Variants in CSGALNACT1 observed in about 807,000 individuals in gnomAD.
CSGALNACT1 encodes beta4GalNAcT-1.
CSGALNACT1 carries 52 observed loss-of-function variants against 51.0 expected under a neutral mutation model. The observed-to-expected ratio is 1.02, with a 90% CI of 0.82 to 1.29. CSGALNACT1 has a LOEUF of 1.29. Among genes scored for constraint, CSGALNACT1 ranks in the 50% most tolerant of loss-of-function variants. CSGALNACT1 has a pLI of 0.00. For synonymous variants in CSGALNACT1, 341 were observed against 254.4 expected (o/e 1.34, Z -3.24); for missense variants, 935 against 679.2 (o/e 1.38, Z -4.19).
At chr8:19,569,926 A>G (rs2042648669) in intron 3 of CSGALNACT1, among the ~76,000 whole-genome samples, 1 of 152,234 alleles carries the variant, frequency 6.6e-6, no homozygotes, top group Non-Finnish European at 1.5e-5. Context: ...CAGAGACACA[A>G]TTAAAGAAGT....
At chr8:19,593,475 G>A (rs899041098) in intron 2 of CSGALNACT1, among the ~76,000 whole-genome samples, 1 of 152,188 alleles carries the variant, frequency 6.6e-6, no homozygotes, top group African/African-American at 2.4e-5. Context: ...GGGCCCAATG[G>A]CTCTCAAGTG....
exon 10 of CSGALNACT1, chr8:19,404,994 T>C (rs2053871342): frequency 2.2e-6 from 1 of 453,910 alleles, no homozygotes; most frequent in East Asian, 6.9e-5. Context: ...TCCTTGGATA[T>C]GGCATCAATT....
chr8:19,480,764 CA>C (rs927039793), intron 4 of CSGALNACT1, among the ~76,000 whole-genome samples: 1 of 152,194 alleles, frequency 6.6e-6, no homozygotes, highest in African/African-American at 2.4e-5. Flanking sequence ...TTTCTCTTCT[CA>C]TTTCCTATCC....
At chr8:19,638,531 A>T (rs567822104) in intron 1 of CSGALNACT1, among the ~76,000 whole-genome samples, 54 of 152,336 alleles carry the variant, frequency 3.5e-4, no homozygotes, top group African/African-American at 1.1e-3. Flanking sequence ...GAACTGGATG[A>T]ATCAGAAAGG....
At chr8:19,539,829 G>C (rs555912964) in intron 3 of CSGALNACT1, among the ~76,000 whole-genome samples, 2 of 152,292 alleles carry the variant, frequency 1.3e-5, no homozygotes, top group African/African-American at 4.8e-5. Flanking sequence ...GGGAGTTCTA[G>C]GCTATTAAAC....
In CSGALNACT1 at chr8:19,581,799, G is replaced by A. The variant is rs146624959; in HGVS notation, c.-297+9361C>T. 2.4e-3 allele frequency among the ~76,000 whole-genome samples: 359 copies of A among 152,284 alleles called. 9 individuals are homozygous for A. The South Asian group carries it at 0.06, about 25-fold the overall frequency. Reference sequence around the variant, plus strand: ...GCCCATAAAGCAGAGAATAAAAACGGATTATCTTGATATGGTTACATTAGT... The same window carrying A: ...GCCCATAAAGCAGAGAATAAAAACGAATTATCTTGATATGGTTACATTAGT... On this transcript the variant is annotated intron_variant, in intron 3 of 9. Transcript: ENST00000454498.
chr8:19,750,866 T>C (rs780334551), intron 1 of CSGALNACT1, among the ~76,000 whole-genome samples: 2 of 152,146 alleles, frequency 1.3e-5, no homozygotes, highest in African/African-American at 4.8e-5. Flanking sequence ...CTCGATCTTA[T>C]TCATACTTTC....
At chr8:19,549,322 T>C (rs1229831511) in intron 3 of CSGALNACT1, among the ~76,000 whole-genome samples, 1 of 152,182 alleles carries the variant, frequency 6.6e-6, no homozygotes, top group African/African-American at 2.4e-5. Context: ...AGCCCAATGA[T>C]GCACTGTCAT....
intron 1 of CSGALNACT1, among the ~76,000 whole-genome samples, chr8:19,658,062 CAAAAAAAAA>C (rs397973082): frequency 5.8e-5 from 5 of 86,712 alleles, no homozygotes; most frequent in East Asian, 3.7e-4. Flanking sequence ...ACCCTCCTTC[CAAAAAAAAA>C]AAAAAAAAAA....
Position 19,540,726 on chromosome 8 carries a change from G to A in CSGALNACT1, c.-296-34596C>T, listed in dbSNP as rs565581313. On this transcript the variant is annotated intron_variant, in intron 3 of 9. Transcript: ENST00000454498. ...TGCTGTGGATTTCTCAATGGGTCAC[G>A]CTGTCTTCTTGCCTGGAGAGCTTTG... Among the ~76,000 whole-genome samples the A allele has an allele frequency of 1.2e-4, 19 of 152,228 alleles. No individual in the cohort carries two copies. The South Asian group carries it at 1.4e-3, about 12-fold the overall frequency.
At chr8:19,408,927 G>C (rs4642666) in intron 8 of CSGALNACT1, among the ~76,000 whole-genome samples, 1 of 125,752 alleles carries the variant, frequency 8.0e-6, no homozygotes, top group African/African-American at 3.0e-5. Flanking sequence ...TGGCTGGAAT[G>C]TTTCTAGGGC....
At chr8:19,489,539 T>G (rs1436248350) in intron 4 of CSGALNACT1, among the ~76,000 whole-genome samples, 1 of 152,170 alleles carries the variant, frequency 6.6e-6, no homozygotes, top group Non-Finnish European at 1.5e-5. Context: ...TCAACAAACA[T>G]TTAATCAACG....
At chr8:19,713,735 T>A (rs1249881214) in intron 1 of CSGALNACT1, among the ~76,000 whole-genome samples, 1 of 152,146 alleles carries the variant, frequency 6.6e-6, no homozygotes, top group Non-Finnish European at 1.5e-5. Context: ...TCAGAGGGGA[T>A]CTCGCCCTGA....
At chr8:19,563,528 C>T (rs1326191358) in intron 3 of CSGALNACT1, among the ~76,000 whole-genome samples, 3 of 152,168 alleles carry the variant, frequency 2.0e-5, no homozygotes, top group Non-Finnish European at 4.4e-5. Context: ...TCTATCAGTG[C>T]CCACCCATTG....
At chr8:19,722,436 CA>C (rs1470207434) in intron 1 of CSGALNACT1, among the ~76,000 whole-genome samples, 7 of 152,214 alleles carry the variant, frequency 4.6e-5, no homozygotes, top group Admixed American at 3.9e-4. Flanking sequence ...GTGTTCTCTT[CA>C]GTTTCCAGAT....
intron 6 of CSGALNACT1, among the ~76,000 whole-genome samples, chr8:19,431,238 T>C (rs1462227635): frequency 6.6e-6 from 1 of 152,138 alleles, no homozygotes; most frequent in Non-Finnish European, 1.5e-5. Flanking sequence ...CTTTGTCTTG[T>C]TCTTGATCTT....
intron 1 of CSGALNACT1, among the ~76,000 whole-genome samples, chr8:19,628,612 C>T (rs904085053): frequency 2.6e-5 from 4 of 151,866 alleles, no homozygotes; most frequent in African/African-American, 9.7e-5. Context: ...GATTCAAACC[C>T]AAGGAGTCCA....
At chr8:19,480,492 C>T (rs2071066107) in intron 4 of CSGALNACT1, among the ~76,000 whole-genome samples, 1 of 152,090 alleles carries the variant, frequency 6.6e-6, no homozygotes, top group Admixed American at 6.6e-5. Context: ...ATGTACATAC[C>T]ACATTTTCTT....
chr8:19,641,128 CTTTTTTT>C (rs56681695), intron 1 of CSGALNACT1, among the ~76,000 whole-genome samples: 31,759 of 99,922 alleles, frequency 0.32, 4,451 homozygotes, highest in South Asian at 0.47. Flanking sequence ...GGTGACTGGT[CTTTTTTT>C]TTTTTTTTTT....
Sources: gnomAD v4.1 joint callset for allele counts (sites outside exome capture counted in the v4.1 genomes callset) on GRCh38, gnomAD v4.1.1 for gene constraint, MANE v1.5 for transcripts, NCBI Gene and HGNC (gene_info 2026-07-23, HGNC 2026-07-21) for gene names.